The following PCDH15 variants were observed in gnomAD, a reference collection of about 807,000 sequenced individuals.
PCDH15 encodes the protein protocadherin related 15, also known as protocadherin-15.
A neutral mutation model predicts 178.5 loss-of-function variants in PCDH15; 129 were observed. The ratio of observed to expected loss-of-function variants is 0.72; its 90% CI spans 0.63 to 0.84. PCDH15 has a LOEUF of 0.84. Ranked by LOEUF, PCDH15 falls within the 40% of genes least tolerant of loss-of-function variation. The probability of loss-of-function intolerance (pLI) is 0.00; values close to 1 mark genes in which losing one functional copy is unlikely to be tolerated. For missense variants in PCDH15, 2,230 were observed against 2,099.9 expected (o/e 1.06, Z -1.21); for synonymous variants, 800 against 732.0 (o/e 1.09, Z -1.50).
At chr10:54,301,397 C>T (rs1040330242) in intron 8 of PCDH15, among the ~76,000 whole-genome samples, 3 of 152,116 alleles carry the variant, frequency 2.0e-5, no homozygotes, top group African/African-American at 7.2e-5. Flanking sequence ...TAAAATATTT[C>T]TTTAGGAACC....
intron 8 of PCDH15, among the ~76,000 whole-genome samples, chr10:54,259,521 A>C (rs1175259046): frequency 6.6e-6 from 1 of 152,232 alleles, no homozygotes; most frequent in East Asian, 1.9e-4. Flanking sequence ...GACTAAGAGA[A>C]GATAAGAAAA....
intron 13 of PCDH15, among the ~76,000 whole-genome samples, chr10:54,173,805 A>G (rs1332702452): frequency 1.3e-5 from 2 of 152,212 alleles, no homozygotes; most frequent in Non-Finnish European, 2.9e-5. Context: ...GTTTAACCAT[A>G]TAATTATAAA....
rs143326844 is a variant in PCDH15, at chr10:54,657,714, T to C, written c.91+6458A>G. Among the ~76,000 whole-genome samples the C allele has an allele frequency of 2.7e-3, 413 of 152,154 alleles. 3 individuals carry two copies. The highest frequency in any genetic ancestry group is 8.1e-3 in the African/African-American group (338 of 41,502). On this transcript the variant is annotated intron_variant, in intron 2 of 37. Transcript: ENST00000644397. ...AGTAATCCTCTAAAGGAAAAATAAA[T>C]GATAGAAAATTCAAAAATAAGAAGT... is the stretch of plus-strand genomic sequence containing the variant.
chr10:54,209,286 G>A (rs2051151573), intron 10 of PCDH15, among the ~76,000 whole-genome samples: 1 of 152,018 alleles, frequency 6.6e-6, no homozygotes, highest in Non-Finnish European at 1.5e-5. Context: ...TTGTTTTAGC[G>A]ATACTCTGTT....
intron 2 of PCDH15, among the ~76,000 whole-genome samples, chr10:55,444,479 A>C (rs1839270811): frequency 6.6e-6 from 1 of 152,140 alleles, no homozygotes; most frequent in Admixed American, 6.6e-5. Context: ...ATTGGAAAAT[A>C]AATCAGGAAG....
chr10:53,845,972 C>T (rs1297170025), intron 28 of PCDH15, among the ~76,000 whole-genome samples: 1 of 150,844 alleles, frequency 6.6e-6, no homozygotes, highest in African/African-American at 2.4e-5. Flanking sequence ...CCAAATATCA[C>T]ATATATCCCA....
intron 18 of PCDH15, among the ~76,000 whole-genome samples, chr10:54,058,819 T>C (rs1285265473): frequency 6.6e-6 from 1 of 151,858 alleles, no homozygotes; most frequent in Non-Finnish European, 1.5e-5. Flanking sequence ...TCAGCCTTCC[T>C]GGGTAGCTGG....
intron 2 of PCDH15, among the ~76,000 whole-genome samples, chr10:55,494,181 G>A (rs535863330): frequency 2.2e-4 from 33 of 151,674 alleles, no homozygotes; most frequent in Non-Finnish European, 4.4e-4. Context: ...TCAATCTTCA[G>A]CATAATTCTA....
intron 2 of PCDH15, among the ~76,000 whole-genome samples, chr10:54,594,643 C>T (rs560524945): frequency 2.6e-5 from 4 of 152,314 alleles, no homozygotes; most frequent in East Asian, 1.9e-4. Context: ...TCGCTGCCAG[C>T]GATCCCCATA....
At chr10:54,144,871 A>T (rs1199959807) in intron 14 of PCDH15, among the ~76,000 whole-genome samples, 3 of 152,202 alleles carry the variant, frequency 2.0e-5, no homozygotes, top group Non-Finnish European at 4.4e-5. Context: ...ACTAAAATAC[A>T]AGGCTTCTGA....
At chr10:55,320,323 C>A (rs905906670), upstream of PCDH15, among the ~76,000 whole-genome samples, 11 of 152,044 alleles carry the variant, frequency 7.2e-5, no homozygotes, top group Non-Finnish European at 1.5e-4. Context: ...TCCCTCAGCA[C>A]CCCCTCCAAC....
At position 53,803,985 on chromosome 10, in the gene PCDH15, A is replaced by T. The variant is rs1471378891; in HGVS notation, c.*2594T>A. 1 of 151,976 alleles carries T rather than the reference A, an allele frequency of 6.6e-6. No homozygotes were observed. The highest frequency in any genetic ancestry group is 1.5e-5 in the Non-Finnish European group (1 of 67,898). The allele number at this position is 151,976 out of a possible 1,614,324, so 9.4% of individuals were successfully genotyped here. A position where few individuals can be genotyped will look rare whatever the true frequency, so the allele number is the denominator to read the frequency against. ...TTCTTAAGATTAAACATACCTGGGT[A>T]TTTCCTCTGGGTTCCACAGTTTTAA... On this transcript the variant is annotated 3_prime_UTR_variant, in exon 38 of 38. Transcript: ENST00000644397.
chr10:54,930,132 T>A (rs1028495042), intron 2 of PCDH15, among the ~76,000 whole-genome samples: 4 of 152,144 alleles, frequency 2.6e-5, no homozygotes, highest in Non-Finnish European at 2.9e-5. Context: ...TCTTTCCTTT[T>A]CCTTGCCAAC....
At chr10:53,947,869 T>C (rs2086704766) in intron 23 of PCDH15, among the ~76,000 whole-genome samples, 1 of 152,226 alleles carries the variant, frequency 6.6e-6, no homozygotes, top group Non-Finnish European at 1.5e-5. Flanking sequence ...AAACAATTTA[T>C]CCAAATATTT....
chr10:54,075,391 AAG>A (rs762003649), intron 17 of PCDH15, among the ~76,000 whole-genome samples: 28 of 91,704 alleles, frequency 3.1e-4, no homozygotes, highest in Non-Finnish European at 2.2e-4. Context: ...AATAAAAAAA[AAG>A]ATCTATATAT....
chr10:54,775,896 A>T (rs920638779), intron 1 of PCDH15, among the ~76,000 whole-genome samples: 4 of 152,038 alleles, frequency 2.6e-5, no homozygotes, highest in African/African-American at 7.3e-5. Context: ...AAACAACAAC[A>T]AACACATAAA....
chr10:54,285,558 A>G lies in PCDH15; in HGVS notation c.876+31713T>C, dbSNP rs181053831. ...TCCCAATTCGAATATTATCAAATAG[A>G]CAAAAAATAACAAATAATGGCGGGG... On this transcript the variant is annotated intron_variant, in intron 8 of 37. Coordinates refer to ENST00000644397, the MANE Select transcript of PCDH15 (RefSeq NM_001384140.1). Among the ~76,000 whole-genome samples, 679 of 152,308 alleles carry G rather than the reference A, an allele frequency of 4.5e-3. 8 individuals are homozygous for G. Among genetic ancestry groups the G allele is most frequent in the African/African-American group, 0.016 (647 of 41,584 alleles).
intron 3 of PCDH15, among the ~76,000 whole-genome samples, chr10:54,877,257 G>A (rs1445597356): frequency 6.6e-6 from 1 of 152,120 alleles, no homozygotes; most frequent in East Asian, 1.9e-4. Context: ...GGGGAAAATT[G>A]TGCGTAACCT....
chr10:55,118,421 A>T (rs1248274656), intron 2 of PCDH15, among the ~76,000 whole-genome samples: 1 of 152,154 alleles, frequency 6.6e-6, no homozygotes, highest in Non-Finnish European at 1.5e-5. Context: ...CTTACTCTCC[A>T]GGAAGACTGG....
Sources: allele counts gnomAD v4.1 joint callset (sites outside exome capture counted in the v4.1 genomes callset), GRCh38; gene constraint gnomAD v4.1.1; transcripts MANE v1.5; gene names NCBI Gene and HGNC (gene_info 2026-07-23, HGNC 2026-07-21).